Variants in CSNK2A2 observed in about 807,000 individuals in gnomAD.
CSNK2A2 encodes the protein casein kinase II subunit alpha'.
A neutral mutation model predicts 54.0 loss-of-function variants in CSNK2A2; 8 were observed. The ratio of observed to expected loss-of-function variants is 0.15; its 90% CI spans 0.09 to 0.27. The LOEUF (loss-of-function observed/expected upper bound fraction) is 0.27, where lower values mean the gene tolerates loss of function less well. CSNK2A2 is among the 10% of genes least tolerant of loss of function. The pLI is 1.00. For synonymous variants in CSNK2A2, 141 were observed against 153.9 expected, an observed-to-expected ratio of 0.92 and a Z score of 0.62; for missense variants, 242 against 439.4, an observed-to-expected ratio of 0.55 and a Z score of 4.02.
At chr16:58,176,608 C>T (rs10459797) in intron 4 of CSNK2A2, among the ~76,000 whole-genome samples, 21,293 of 152,178 alleles carry the variant, frequency 0.14, 1,935 homozygotes, top group East Asian at 0.35. Context: ...CTTCACTGTA[C>T]CCCCAGGAGT....
intron 4 of CSNK2A2, among the ~76,000 whole-genome samples, chr16:58,177,535 G>A (rs1961914685): frequency 6.6e-6 from 1 of 152,166 alleles, no homozygotes; most frequent in Non-Finnish European, 1.5e-5. Flanking sequence ...ACACACAGCT[G>A]TTCAGACTCC....
intron 5 of CSNK2A2, among the ~76,000 whole-genome samples, chr16:58,173,658 G>A (rs1961799307): frequency 6.6e-6 from 1 of 152,178 alleles, no homozygotes; most frequent in African/African-American, 2.4e-5. Context: ...TACAGGGGTA[G>A]GTTAGGAAGA....
chr16:58,194,622 T>C (rs1291312649), intron 2 of CSNK2A2, among the ~76,000 whole-genome samples: 1 of 152,214 alleles, frequency 6.6e-6, no homozygotes, highest in African/African-American at 2.4e-5. Flanking sequence ...GTGCTCAACG[T>C]TCAGATCCTA....
Position 58,166,627 on chromosome 16 carries a change from A to T in CSNK2A2, c.784T>A (p.Tyr262Asn). The change falls in exon 9 of 12, where the codon TAT becomes AAT. Residue 262 changes from tyrosine (Y) to asparagine (N), a missense_variant. By Grantham distance (143) the Tyr-to-Asn change is moderately radical (BLOSUM62 -2). Transcript: ENST00000262506. ...AAGTGTGGATCTAGGTCTATGTGAT[A>T]CTTCTTCAGATACCCATACAGTTCT... is the stretch of plus-strand genomic sequence containing the variant. ...TEELYGYLKKYHIDLDPHFND... is the reference protein window; with the variant it reads ...TEELYGYLKKNHIDLDPHFND... The T allele has an allele frequency of 6.2e-7, 1 of 1,613,672 alleles. No individual in the cohort carries two copies.
chr16:58,174,200 C>T (rs1961816079), intron 5 of CSNK2A2: 1 of 334,982 alleles, frequency 3.0e-6, no homozygotes, highest in Non-Finnish European at 5.3e-6. Flanking sequence ...ACATATGGAC[C>T]AACAAGAGCT....
intron 8 of CSNK2A2, 141 bp downstream of exon 8, chr16:58,167,066 G>T: frequency 1.7e-6 from 1 of 577,664 alleles, no homozygotes; most frequent in Non-Finnish European, 3.0e-6. Flanking sequence ...ACAAAATTCT[G>T]TGCGATCTTT....
At chr16:58,163,274 A>AAAAAAAAAG (rs1567462060) in intron 11 of CSNK2A2, 1 of 148,400 alleles carries the variant, frequency 6.7e-6, no homozygotes, top group Non-Finnish European at 1.5e-5. Context: ...AAAAAAAAAA[A>AAAAAAAAAG]AAAGAAAAAG....
At chr16:58,174,701 G>GA (rs371450007) in intron 4 of CSNK2A2, among the ~76,000 whole-genome samples, 191 bp from the exon 5 acceptor site, 157 of 143,246 alleles carry the variant, frequency 1.1e-3, no homozygotes, top group Admixed American at 4.3e-3. Flanking sequence ...CAGAAGAGAA[G>GA]AAAAAAAAAA....
rs71155249 is a variant in CSNK2A2 at position 58,182,374 on chromosome 16, C to CAAAAAAAAAAA, written c.369+1875_369+1885dup. 8.5e-4 allele frequency among the ~76,000 whole-genome samples: 22 copies of CAAAAAAAAAAA among 25,746 alleles called. 6 individuals are homozygous for CAAAAAAAAAAA. The highest frequency in any genetic ancestry group is 2.5e-3 in the Admixed American group (4 of 1,606). The allele number at this position is 25,746 out of a possible 152,430, so 16.9% of individuals were successfully genotyped here. A position where few individuals can be genotyped will look rare whatever the true frequency, so the allele number is the denominator to read the frequency against. ...AAAACCCCATTTCTACTAAATATAC[C>CAAAAAAAAAAA]AAAAAAAAAAAAAAAAAAAAAAAAA... On this transcript the variant is annotated intron_variant, in intron 4 of 11. Transcript: ENST00000262506.
chr16:58,172,879 A>G (rs1961778892), intron 5 of CSNK2A2, among the ~76,000 whole-genome samples: 1 of 152,252 alleles, frequency 6.6e-6, no homozygotes, highest in African/African-American at 2.4e-5. Context: ...GACATCAGAC[A>G]TTGAGTGACA....
At chr16:58,192,520 T>C (rs1962344130) in intron 2 of CSNK2A2, 4 of 151,880 alleles carry the variant, frequency 2.6e-5, no homozygotes, top group South Asian at 4.2e-4. Context: ...CATTGAAGCA[T>C]TAAACATGCT....
intron 11 of CSNK2A2, chr16:58,162,443 A>C (rs908833206): frequency 1.4e-4 from 21 of 152,170 alleles, no homozygotes; most frequent in Non-Finnish European, 2.4e-4. Context: ...ACTCTATAAT[A>C]AGAGAAGAGT....
At chr16:58,176,050 T>G (rs1050512309) in intron 4 of CSNK2A2, among the ~76,000 whole-genome samples, 1 of 152,194 alleles carries the variant, frequency 6.6e-6, no homozygotes, top group African/African-American at 2.4e-5. Flanking sequence ...CACTGACAGC[T>G]TGAATGTAAA....
chr16:58,160,151 C>T (rs1200417997), intron 11 of CSNK2A2: 2 of 152,168 alleles, frequency 1.3e-5, no homozygotes, highest in Non-Finnish European at 2.9e-5. Context: ...CCCTGGTCTC[C>T]ACCTCGGGGT....
chr16:58,184,190 A>T, intron 4 of CSNK2A2, 70 bp downstream of exon 4: 1 of 1,230,462 alleles, frequency 8.1e-7, no homozygotes, highest in Non-Finnish European at 1.2e-6. Context: ...TGGGTTCTGG[A>T]GTACACAGTA....
In CSNK2A2 at chr16:58,164,089, A is replaced by G. The variant is rs1252422244; in HGVS notation, c.1035T>C (p.Gly345=). 3 of 1,613,714 alleles carry G rather than the reference A, an allele frequency of 1.9e-6. No individual in the cohort carries two copies. The highest frequency in any genetic ancestry group is 2.5e-6 in the Non-Finnish European group (3 of 1,179,798). The change falls in exon 11 of 12, where the codon GGT becomes GGC. Residue 345 remains glycine, a synonymous_variant. Transcript: ENST00000262506. ...CCAGTCTTCATCGTGCTGCCGTGAGACCACTGGAAAGCACAGCATTGTCTG... is the reference window on the plus strand; with the variant it reads ...CCAGTCTTCATCGTGCTGCCGTGAGGCCACTGGAAAGCACAGCATTGTCTG... ...PCADNAVLSS[G]LTAAR
intron 10 of CSNK2A2, among the ~76,000 whole-genome samples, chr16:58,164,900 T>C (rs1272043583): frequency 2.6e-5 from 4 of 152,164 alleles, no homozygotes; most frequent in African/African-American, 9.7e-5. Flanking sequence ...CTTTAAGGGG[T>C]GAACGTTTCC....
chr16:58,174,953 T>C (rs1961837931), intron 4 of CSNK2A2, among the ~76,000 whole-genome samples: 1 of 152,090 alleles, frequency 6.6e-6, no homozygotes, highest in Non-Finnish European at 1.5e-5. Context: ...TGGGCTACTG[T>C]GGTAAAACAG....
rs570700214 is a variant in CSNK2A2, at chr16:58,174,965, G to T, written c.370-455C>A. Among the ~76,000 whole-genome samples the T allele has an allele frequency of 3.9e-5, 6 of 152,274 alleles. No homozygotes were observed. In the South Asian group the frequency reaches 1.2e-3, roughly 32 times the overall value. ...TCATGGGCTACTGTGGTAAAACAGTGGCGACACAGGCTGTTCTCAAAAAAG... is the reference window on the plus strand; with the variant it reads ...TCATGGGCTACTGTGGTAAAACAGTTGCGACACAGGCTGTTCTCAAAAAAG... On this transcript the variant is annotated intron_variant, in intron 4 of 11. Transcript: ENST00000262506.
Sources: allele counts gnomAD v4.1 joint callset (sites outside exome capture counted in the v4.1 genomes callset), GRCh38; gene constraint gnomAD v4.1.1; transcripts MANE v1.5; gene names NCBI Gene and HGNC (gene_info 2026-07-23, HGNC 2026-07-21).